Variants in CRACD observed in about 807,000 individuals in gnomAD.
CRACD encodes the protein capping protein inhibiting regulator of actin dynamics, also known as capping protein-inhibiting regulator of actin dynamics.
In CRACD, 56 loss-of-function variants were observed where a neutral mutation model predicts 106.8. The observed-to-expected ratio is 0.52, with a 90% confidence interval of 0.42 to 0.66. CRACD has a LOEUF of 0.66. CRACD is among the 30% of genes least tolerant of loss of function. The pLI is 0.00. For synonymous variants in CRACD, 754 were observed against 670.8 expected, an observed-to-expected ratio of 1.12 and a Z score of -1.92; for missense variants, 1,730 against 1,623.2, an observed-to-expected ratio of 1.07 and a Z score of -1.13.
At chr4:56,090,651 T>C (rs1344886892) in intron 1 of CRACD, among the ~76,000 whole-genome samples, 1 of 152,132 alleles carries the variant, frequency 6.6e-6, no homozygotes, top group Non-Finnish European at 1.5e-5. Flanking sequence ...CGCCTTGGTC[T>C]CCCGAAGTGC....
Position 56,323,471 on chromosome 4 carries a change from G to A in CRACD, c.3282G>A (p.Leu1094=). The change falls in exon 9 of 11, where the codon CTG becomes CTA. Residue 1094 remains leucine (L), a synonymous_variant. Coordinates refer to ENST00000682029, the MANE Select transcript of CRACD (RefSeq NM_001393381.1). ...TAQPLWITLA[L]QKQKGFREQQ... is the part of the protein sequence containing the mutation. ...AGCCGCTGTGGATAACGTTAGCACT[G>A]CAAAAGCAAAAGGGGTTTCGGGAGC... 1.2e-6 allele frequency: 2 copies of A among 1,610,866 alleles called. No individual in the cohort carries two copies. Among genetic ancestry groups the A allele is most frequent in the African/African-American group, 1.3e-5 (1 of 74,730 alleles).
intron 2 of CRACD, among the ~76,000 whole-genome samples, chr4:56,217,528 A>G (rs1738773390): frequency 6.6e-6 from 1 of 152,168 alleles, no homozygotes; most frequent in Admixed American, 6.5e-5. Flanking sequence ...TGGAATCAAT[A>G]GAAGGGAGTG....
intron 10 of CRACD, 36 bp downstream of exon 10, chr4:56,324,302 C>G (rs760612976): frequency 3.2e-6 from 5 of 1,586,992 alleles, no homozygotes; most frequent in Non-Finnish European, 4.3e-6. Flanking sequence ...AACTGTAGTT[C>G]CAGGTTTCTC....
At chr4:56,153,028 C>T (rs906743301) in intron 1 of CRACD, among the ~76,000 whole-genome samples, 1 of 152,108 alleles carries the variant, frequency 6.6e-6, no homozygotes, top group Non-Finnish European at 1.5e-5. Context: ...CCTATAATCC[C>T]AGCACTTTGG....
At chr4:56,229,421 G>A (rs574956820) in intron 2 of CRACD, among the ~76,000 whole-genome samples, 3 of 152,138 alleles carry the variant, frequency 2.0e-5, no homozygotes, top group Non-Finnish European at 2.9e-5. Context: ...CAGGGCTTTC[G>A]CCAGACACTG....
chr4:56,144,296 A>C (rs1735304421), intron 1 of CRACD, among the ~76,000 whole-genome samples: 2 of 152,152 alleles, frequency 1.3e-5, no homozygotes, highest in South Asian at 4.1e-4. Flanking sequence ...TTTTCTTCCA[A>C]AATTAAGGAG....
intron 2 of CRACD, among the ~76,000 whole-genome samples, chr4:56,179,737 C>T (rs1223501482): frequency 6.6e-6 from 1 of 152,078 alleles, no homozygotes; most frequent in African/African-American, 2.4e-5. Flanking sequence ...GTGGTTATCA[C>T]CCGGGTGCAG....
At chr4:56,149,021 G>A (rs1332216684) in intron 1 of CRACD, among the ~76,000 whole-genome samples, 1 of 151,998 alleles carries the variant, frequency 6.6e-6, no homozygotes, top group African/African-American at 2.4e-5. Context: ...TCACCATATT[G>A]GCCAGGCTGG....
chr4:56,074,429 T>G (rs1732764421), intron 1 of CRACD, among the ~76,000 whole-genome samples: 1 of 152,200 alleles, frequency 6.6e-6, no homozygotes, highest in Middle Eastern at 3.2e-3. Flanking sequence ...TTCCTAGGTA[T>G]TTTATTCTCT....
chr4:56,291,874 G>T (rs894045014), intron 3 of CRACD, among the ~76,000 whole-genome samples: 22 of 152,106 alleles, frequency 1.4e-4, no homozygotes, highest in African/African-American at 5.1e-4. Context: ...ATAGAAAACT[G>T]GTACCAAAGA....
intron 3 of CRACD, among the ~76,000 whole-genome samples, chr4:56,274,752 G>A (rs577002051): frequency 6.6e-6 from 1 of 152,254 alleles, no homozygotes; most frequent in South Asian, 2.1e-4. Flanking sequence ...TTTTTAAAAT[G>A]TCACTTTAAA....
rs192905744 is a variant in CRACD, at chr4:56,252,339, G to A, written c.-188-19982G>A. 6.0e-4 allele frequency among the ~76,000 whole-genome samples: 92 copies of A among 152,120 alleles called. 2 individuals carry two copies. The highest frequency in any genetic ancestry group is 4.9e-4 in the Non-Finnish European group (33 of 67,994). On this transcript the variant is annotated intron_variant, in intron 2 of 10. Coordinates refer to ENST00000682029, the MANE Select transcript of CRACD (RefSeq NM_001393381.1). ...ACGCCTAGGTACACATAACTCCATC[G>A]GCTGCTACCAGGGATTTTTTTTTCC... is the stretch of plus-strand genomic sequence containing the variant.
intron 2 of CRACD, among the ~76,000 whole-genome samples, chr4:56,196,813 A>G (rs1737634808): frequency 6.6e-6 from 1 of 152,204 alleles, no homozygotes; most frequent in Non-Finnish European, 1.5e-5. Flanking sequence ...TGAAAGGAAG[A>G]GGCAGAAAAC....
intron 2 of CRACD, among the ~76,000 whole-genome samples, chr4:56,214,679 C>CTATATATATATA (rs755261143): frequency 1.4e-3 from 101 of 74,218 alleles, no homozygotes; most frequent in African/African-American, 2.3e-3. Context: ...CTCTCTCTCT[C>CTATATATATATA]TCTATATATA....
intron 2 of CRACD, among the ~76,000 whole-genome samples, chr4:56,191,120 T>A (rs1015152701): frequency 2.6e-5 from 4 of 152,212 alleles, no homozygotes; most frequent in African/African-American, 9.7e-5. Flanking sequence ...CCTTGATAAT[T>A]TTCCTAGAAT....
chr4:56,295,095 A>G (rs1183317738), intron 3 of CRACD, among the ~76,000 whole-genome samples: 1 of 151,992 alleles, frequency 6.6e-6, no homozygotes, highest in African/African-American at 2.4e-5. Context: ...AAGTAAAAAC[A>G]AAACAACAAC....
Position 56,330,585 on chromosome 4 carries a change from C to A in CRACD, c.*2781C>A, listed in dbSNP as rs1169295250. ...ATGTCCATTATTGAAGGGAAAAGATCTTTCAATAAAAAATACCCACGAGAT... is the reference window on the plus strand; with the variant it reads ...ATGTCCATTATTGAAGGGAAAAGATATTTCAATAAAAAATACCCACGAGAT... On this transcript the variant is annotated 3_prime_UTR_variant, in exon 11 of 11. Transcript: ENST00000682029. Among the ~76,000 whole-genome samples the A allele has an allele frequency of 2.0e-5, 3 of 152,088 alleles. No individual in the cohort carries two copies. The highest frequency in any genetic ancestry group is 2.9e-5 in the Non-Finnish European group (2 of 68,010).
chr4:56,307,331 G>GA lies in CRACD; in HGVS notation c.121-195dup, dbSNP rs200874560. On this transcript the variant is annotated intron_variant, in intron 4 of 10. Transcript: ENST00000682029. Reference sequence around the variant, plus strand: ...AAGCTCATGGCTTGAAGGTGGGAAAGAAAAAAAAAGAAAAGAGAAGAAAGT... The same window carrying GA: ...AAGCTCATGGCTTGAAGGTGGGAAAGAAAAAAAAAAGAAAAGAGAAGAAAGT... Among the ~76,000 whole-genome samples the GA allele has an allele frequency of 3.4e-3, 510 of 150,588 alleles. 5 individuals are homozygous for GA. Among genetic ancestry groups the GA allele is most frequent in the African/African-American group, 0.011 (437 of 41,046 alleles).
intron 1 of CRACD, among the ~76,000 whole-genome samples, chr4:56,168,677 A>C (rs917047613): frequency 1.3e-5 from 2 of 148,960 alleles, no homozygotes; most frequent in Non-Finnish European, 3.0e-5. Context: ...ATATATAATT[A>C]TATATAACTA....
Sources: allele counts gnomAD v4.1 joint callset (sites outside exome capture counted in the v4.1 genomes callset), GRCh38; gene constraint gnomAD v4.1.1; transcripts MANE v1.5; gene names NCBI Gene and HGNC (gene_info 2026-07-23, HGNC 2026-07-21).